The following SVEP1 variants were observed in gnomAD, a reference collection of about 807,000 sequenced individuals.
The protein encoded by SVEP1 is sushi, von Willebrand factor type A, EGF and pentraxin domain containing 1.
A neutral mutation model predicts 367.3 loss-of-function variants in SVEP1; 164 were observed. The ratio of observed to expected loss-of-function variants is 0.45; its 90% CI spans 0.39 to 0.51. The LOEUF is 0.51. Ranked by LOEUF, SVEP1 falls within the 20% of genes least tolerant of loss-of-function variation. The pLI, the probability that SVEP1 is intolerant of heterozygous loss-of-function variation, is 0.00. For missense variants in SVEP1, 4,117 were observed against 4,425.3 expected (o/e 0.93, Z 1.98); for synonymous variants, 1,666 against 1,611.6 (o/e 1.03, Z -0.81).
intron 13 of SVEP1, among the ~76,000 whole-genome samples, chr9:110,479,063 A>G (rs1829144863): frequency 6.6e-6 from 1 of 151,888 alleles, no homozygotes; most frequent in Non-Finnish European, 1.5e-5. Context: ...GATTACAGGC[A>G]CACATCACCA....
At chr9:110,459,175 G>A in intron 18 of SVEP1, 62 bp from the exon 19 acceptor site, 9 of 1,516,612 alleles carry the variant, frequency 5.9e-6, no homozygotes, top group Non-Finnish European at 8.2e-6. Flanking sequence ...TTTGAAAGAA[G>A]TGATTTAATC....
intron 1 of SVEP1, among the ~76,000 whole-genome samples, chr9:110,570,413 A>T (rs550531425): frequency 2.6e-5 from 4 of 151,776 alleles, no homozygotes; most frequent in African/African-American, 9.7e-5. Flanking sequence ...AGTGAATTTC[A>T]TATTATTTAG....
At chr9:110,377,423 G>GAAAATAGAATTGCC in intron 44 of SVEP1, 57 bp from the exon 45 acceptor site, 1 of 1,519,552 alleles carries the variant, frequency 6.6e-7, no homozygotes, top group Non-Finnish European at 9.1e-7. Flanking sequence ...GAAGGAGTCA[G>GAAAATAGAATTGCC]AAAATAGAAT....
At chr9:110,572,006 C>T (rs754442541) in intron 1 of SVEP1, among the ~76,000 whole-genome samples, 9 of 152,228 alleles carry the variant, frequency 5.9e-5, no homozygotes, top group Non-Finnish European at 1.2e-4. Context: ...CTGGGTTACA[C>T]TGTTTGGCTT....
chr9:110,368,604 G>A (rs1827233068), intron 47 of SVEP1, among the ~76,000 whole-genome samples: 1 of 152,116 alleles, frequency 6.6e-6, no homozygotes, highest in African/African-American at 2.4e-5. Flanking sequence ...TTCTTTATCT[G>A]AAAAATGAAG....
chr9:110,409,153 A>C (rs1267613729), intron 37 of SVEP1, among the ~76,000 whole-genome samples: 1 of 152,220 alleles, frequency 6.6e-6, no homozygotes, highest in East Asian at 1.9e-4. Flanking sequence ...AAGTCAACTT[A>C]GGCTCGGCAT....
intron 5 of SVEP1, among the ~76,000 whole-genome samples, chr9:110,504,589 A>G (rs752601278): frequency 2.0e-5 from 3 of 152,200 alleles, no homozygotes; most frequent in Non-Finnish European, 2.9e-5. Context: ...ACTTTGGATT[A>G]CCTACTTCTG....
At chr9:110,486,251 C>A (rs1829274944) in intron 9 of SVEP1, among the ~76,000 whole-genome samples, 1 of 152,196 alleles carries the variant, frequency 6.6e-6, no homozygotes, top group African/African-American at 2.4e-5. Context: ...ATTGAATATT[C>A]AAAGATTTTC....
chr9:110,389,314 A>G (rs1307620136), intron 41 of SVEP1, among the ~76,000 whole-genome samples: 1 of 152,086 alleles, frequency 6.6e-6, no homozygotes, highest in Non-Finnish European at 1.5e-5. Flanking sequence ...CTTGTGTCCT[A>G]TTGCAGTTAA....
rs201533942 is a variant in SVEP1, at chr9:110,387,346, C to G, written c.9999G>C (p.Gly3333=). 1 of 1,613,014 alleles carries G rather than the reference C, an allele frequency of 6.2e-7. No homozygotes were observed. Among genetic ancestry groups the G allele is most frequent in the African/African-American group, 1.3e-5 (1 of 74,860 alleles). The change falls in exon 42 of 48, where the codon GGG becomes GGC. Residue 3333 remains glycine (G), a synonymous_variant. Transcript: ENST00000374469. ...YSCNRGYSLE[G]PSEAHCTENG... ...TTTCTGTGCAGTGTGCCTCAGATGGCCCTTCAAGACTGTAGCCTCTGTTGC... is the reference window on the plus strand; with the variant it reads ...TTTCTGTGCAGTGTGCCTCAGATGGGCCTTCAAGACTGTAGCCTCTGTTGC...
At chr9:110,490,354 C>T (rs73655386) in intron 8 of SVEP1, among the ~76,000 whole-genome samples, 4,289 of 152,038 alleles carry the variant, frequency 0.028, 194 homozygotes, top group African/African-American at 0.098. Flanking sequence ...TCTTCTCTTC[C>T]AGCTATTTTG....
chr9:110,503,874 G>A (rs374674541), intron 5 of SVEP1, among the ~76,000 whole-genome samples: 86 of 152,052 alleles, frequency 5.7e-4, no homozygotes, highest in African/African-American at 1.9e-3. Context: ...GCTTATAGTT[G>A]CCCACCCAAT....
At chr9:110,570,970 CTTTTTT>C (rs374900472) in intron 1 of SVEP1, among the ~76,000 whole-genome samples, 13,522 of 115,214 alleles carry the variant, frequency 0.12, 773 homozygotes, top group East Asian at 0.37. Flanking sequence ...CAGATGGCTC[CTTTTTT>C]TTTTTTTTTT....
At position 110,427,629 on chromosome 9, in the gene SVEP1, G is replaced by T; in HGVS notation, c.5937C>A (p.Phe1979Leu). Residue 1979 changes from phenylalanine to leucine, a missense_variant, in exon 36 of 48, where the codon TTC becomes TTA. Physicochemically the swap from Phe to Leu is conservative, Grantham distance 22. Transcript: ENST00000374469. ...TGTAAGTGACGGTGTTCCTGAAAGT[G>T]AAGTTATTCCCCGTAATGACAGCAT... The part of the protein sequence containing the change: ...IKDAVITGNN[F>L]TFRNTVTYTC... 6.2e-7 allele frequency: 1 copy of T among 1,613,860 alleles called. No homozygotes were observed. Among genetic ancestry groups the T allele is most frequent in the Non-Finnish European group, 8.5e-7 (1 of 1,179,834 alleles).
At chr9:110,444,516 CA>C (rs1828560954) in intron 26 of SVEP1, among the ~76,000 whole-genome samples, 1 of 152,134 alleles carries the variant, frequency 6.6e-6, no homozygotes, top group Non-Finnish European at 1.5e-5. Flanking sequence ...ATATGTCAGA[CA>C]AAGTATGCTG....
chr9:110,470,447 T>G (rs1431812174), intron 16 of SVEP1, among the ~76,000 whole-genome samples: 19 of 152,246 alleles, frequency 1.2e-4, no homozygotes, highest in African/African-American at 4.6e-4. Context: ...TTATTTTTAT[T>G]TTTGAGAGAG....
chr9:110,409,016 C>T, intron 37 of SVEP1, 65 bp from the exon 38 acceptor site: 9 of 1,486,002 alleles, frequency 6.1e-6, no homozygotes, highest in Non-Finnish European at 8.0e-6. Flanking sequence ...TAACTAAATC[C>T]TTGGATAGTG....
chr9:110,531,918 G>A (rs1226180042), intron 3 of SVEP1, among the ~76,000 whole-genome samples: 1 of 152,114 alleles, frequency 6.6e-6, no homozygotes, highest in Non-Finnish European at 1.5e-5. Context: ...AGAGATAAAT[G>A]TGTGATTAGC....
chr9:110,416,308 G>A (rs2118521024), intron 36 of SVEP1, among the ~76,000 whole-genome samples: 1 of 151,880 alleles, frequency 6.6e-6, no homozygotes, highest in East Asian at 1.9e-4. Context: ...TATTAAAAGT[G>A]ACTATGAAAA....
Sources: gnomAD v4.1 joint callset for allele counts (sites outside exome capture counted in the v4.1 genomes callset) on GRCh38, gnomAD v4.1.1 for gene constraint, MANE v1.5 for transcripts, NCBI Gene and HGNC (gene_info 2026-07-23, HGNC 2026-07-21) for gene names.